Variants in DUSP5 observed in about 807,000 individuals in gnomAD.
DUSP5 encodes the protein dual specificity protein phosphatase 5.
Under a neutral mutation model 33.6 loss-of-function variants are expected in DUSP5, and 22 were observed. That is an observed-to-expected ratio of 0.66 (90% confidence interval 0.47 to 0.94). DUSP5 has a LOEUF of 0.94. DUSP5 is among the 40% of genes least tolerant of loss of function. The probability of loss-of-function intolerance (pLI) is 0.00; values close to 1 mark genes in which losing one functional copy is unlikely to be tolerated. For missense variants in DUSP5, 551 were observed against 522.1 expected (o/e 1.06, Z -0.54); for synonymous variants, 270 against 231.1 (o/e 1.17, Z -1.53).
chr10:110,500,171 T>C (rs758722872), intron 1 of DUSP5, among the ~76,000 whole-genome samples: 4 of 152,192 alleles, frequency 2.6e-5, no homozygotes, highest in Admixed American at 6.5e-5. Context: ...ATAGATTGAT[T>C]TTGTATAGTC....
intron 1 of DUSP5, among the ~76,000 whole-genome samples, chr10:110,500,266 C>T (rs781718602): frequency 6.6e-5 from 10 of 152,186 alleles, no homozygotes; most frequent in Non-Finnish European, 1.5e-4. Flanking sequence ...GAACCGGTCT[C>T]CTGTAATGAC....
At chr10:110,509,231 G>C (rs1480206909) in intron 3 of DUSP5, among the ~76,000 whole-genome samples, 16 of 152,208 alleles carry the variant, frequency 1.1e-4, no homozygotes, top group Admixed American at 9.8e-4. Context: ...CAGGAAGGGA[G>C]GCATCCTCCC....
chr10:110,510,261 A>G lies in DUSP5; in HGVS notation c.990A>G (p.Gln330=), dbSNP rs1386217916. The change falls in exon 4 of 4, where the codon CAA becomes CAG. Residue 330 remains glutamine (Q), a synonymous_variant. Coordinates refer to ENST00000369583, the MANE Select transcript of DUSP5 (RefSeq NM_004419.4). ...CCAACCCCCAGCCTCCCTCCTGCCA[A>G]GGGGAGGCAGCAGGCTCTTCACTGA... ...STPNPQPPSC[Q]GEAAGSSLIG... The G allele has an allele frequency of 1.2e-6, 2 of 1,613,964 alleles. No individual in the cohort carries two copies. Among genetic ancestry groups the G allele is most frequent in the Non-Finnish European group, 1.7e-6 (2 of 1,180,036 alleles).
At chr10:110,500,426 T>C (rs889895740) in intron 1 of DUSP5, among the ~76,000 whole-genome samples, 1 of 152,260 alleles carries the variant, frequency 6.6e-6, no homozygotes, top group Non-Finnish European at 1.5e-5. Flanking sequence ...AATTGCTTCA[T>C]GCCTACCCTT....
At chr10:110,507,478 G>A (rs928908243) in intron 3 of DUSP5, among the ~76,000 whole-genome samples, 4 of 152,178 alleles carry the variant, frequency 2.6e-5, no homozygotes, top group African/African-American at 9.7e-5. Context: ...GGAAAGCAGG[G>A]GGAAGAACCT....
Position 110,510,254 on chromosome 10 carries a change from C to G in DUSP5, c.983C>G (p.Ser328Cys). The G allele has an allele frequency of 1.2e-6, 2 of 1,614,102 alleles. No individual in the cohort carries two copies. Among genetic ancestry groups the G allele is most frequent in the Non-Finnish European group, 1.7e-6 (2 of 1,180,028 alleles). ...TCCACGCCCAACCCCCAGCCTCCCT[C>G]CTGCCAAGGGGAGGCAGCAGGCTCT... ...LPSTPNPQPP[S>C]CQGEAAGSSL... Residue 328 changes from serine (S) to cysteine (C), a missense_variant, in exon 4 of 4, where the codon TCC (serine) becomes TGC (cysteine). Physicochemically the swap from Ser to Cys is moderately radical, Grantham distance 112. Around this residue, in one of 3 missense-constraint regions of DUSP5, gnomAD observed 158 missense variants for 181.8 expected, o/e 0.87. Transcript: ENST00000369583.
chr10:110,498,308 C>T lies in DUSP5; in HGVS notation c.187C>T (p.Arg63Cys), dbSNP rs762208561. The change falls in exon 1 of 4, where the codon CGC becomes TGC. Residue 63 changes from arginine to cysteine, a missense_variant. Arg to Cys is a radical substitution (Grantham distance 180). This residue lies in a region of DUSP5 where 381 missense variants were observed against 310.4 expected (regional missense o/e 1.23). Transcript: ENST00000369583. ...RRARGGAVSA[R>C]YVLPDEAARA... ...GGCCCGGGGCGGCGCGGTGTCGGCGCGCTACGTGCTGCCCGACGAGGCGGC... is the reference window on the plus strand; with the variant it reads ...GGCCCGGGGCGGCGCGGTGTCGGCGTGCTACGTGCTGCCCGACGAGGCGGC... The T allele has an allele frequency of 4.2e-6, 6 of 1,428,140 alleles. No individual in the cohort carries two copies. Among genetic ancestry groups the T allele is most frequent in the East Asian group, 5.7e-5 (2 of 35,076 alleles). The allele number at this position is 1,428,140 out of a possible 1,614,324, so 88.5% of individuals were successfully genotyped here.
At chr10:110,509,617 T>C (rs1860161444) in intron 3 of DUSP5, among the ~76,000 whole-genome samples, 1 of 152,212 alleles carries the variant, frequency 6.6e-6, no homozygotes, top group Non-Finnish European at 1.5e-5. Flanking sequence ...CCAATAAAAA[T>C]GTGCACAATT....
At chr10:110,509,772 T>C (rs966272104) in intron 3 of DUSP5, among the ~76,000 whole-genome samples, 3 of 152,242 alleles carry the variant, frequency 2.0e-5, no homozygotes, top group Non-Finnish European at 2.9e-5. Flanking sequence ...TGTGTGCTTA[T>C]GTCTCTTGTG....
rs1236940987 is a variant in DUSP5 at position 110,510,594 on chromosome 10, A to G, written c.*168A>G. 7 of 988,566 alleles carry G rather than the reference A, an allele frequency of 7.1e-6. No homozygotes were observed. The highest frequency in any genetic ancestry group is 2.9e-4 in the Middle Eastern group (1 of 3,410). 61.2% of individuals were successfully genotyped at this position (988,566 alleles called of 1,614,324 possible). A position where few individuals can be genotyped will look rare whatever the true frequency, so the allele number is the denominator to read the frequency against. ...TGCAAATGAACTTCAGACGGACCTC[A>G]GGGTAGGTTCTCGGGACTGAAGGAA... On this transcript the variant is annotated 3_prime_UTR_variant, in exon 4 of 4. Coordinates refer to ENST00000369583, the MANE Select transcript of DUSP5 (RefSeq NM_004419.4).
In DUSP5 at chr10:110,510,575, T is replaced by C; in HGVS notation, c.*149T>C. The stretch of plus-strand genomic sequence containing the variant: ...AGTGAGTGGTCACCAGGCTTGCAAA[T>C]GAACTTCAGACGGACCTCAGGGTAG... On this transcript the variant is annotated 3_prime_UTR_variant, in exon 4 of 4. Transcript: ENST00000369583. 1 of 1,159,292 alleles carries C rather than the reference T, an allele frequency of 8.6e-7. No homozygotes were observed. Among genetic ancestry groups the C allele is most frequent in the African/African-American group, 1.6e-5 (1 of 64,206 alleles). The allele number at this position is 1,159,292 out of a possible 1,614,324, so 71.8% of individuals were successfully genotyped here.
intron 1 of DUSP5, among the ~76,000 whole-genome samples, chr10:110,501,963 A>AT (rs999258930): frequency 2.5e-4 from 32 of 129,366 alleles, no homozygotes; most frequent in Non-Finnish European, 4.3e-4. Context: ...TGACTTATTG[A>AT]TTGGGGGGGG....
intron 3 of DUSP5, among the ~76,000 whole-genome samples, chr10:110,508,424 G>A (rs1010551704): frequency 1.3e-5 from 2 of 152,148 alleles, no homozygotes; most frequent in Non-Finnish European, 1.5e-5. Context: ...CCCATCCTGT[G>A]TGTGTATTGT....
At chr10:110,508,572 C>G (rs1293551458) in intron 3 of DUSP5, among the ~76,000 whole-genome samples, 1 of 152,176 alleles carries the variant, frequency 6.6e-6, no homozygotes, top group East Asian at 1.9e-4. Flanking sequence ...CTGACCCCTT[C>G]CAAGGGAAGA....
At chr10:110,501,973 G>GC (rs1268531951) in intron 1 of DUSP5, among the ~76,000 whole-genome samples, 2 of 151,412 alleles carry the variant, frequency 1.3e-5, no homozygotes, top group Non-Finnish European at 2.9e-5. Flanking sequence ...ATTGGGGGGG[G>GC]GGTGCAGGAG....
chr10:110,509,360 G>A lies in DUSP5; in HGVS notation c.749-660G>A, dbSNP rs180964680. Among the ~76,000 whole-genome samples the A allele has an allele frequency of 6.8e-4, 104 of 152,310 alleles. 1 individual carries two copies. The highest frequency in any genetic ancestry group is 2.1e-3 in the African/African-American group (88 of 41,572). The stretch of plus-strand genomic sequence containing the variant: ...CATTTATATCCTCCGTCTAGTAGGC[G>A]TCACTTAGCCAGGGCTATAATTAGT... On this transcript the variant is annotated intron_variant, in intron 3 of 3. Transcript: ENST00000369583.
At chr10:110,506,178 C>A (rs1186779011) in intron 2 of DUSP5, among the ~76,000 whole-genome samples, 1 of 152,026 alleles carries the variant, frequency 6.6e-6, no homozygotes, top group African/African-American at 2.4e-5. Context: ...GCCTATAATC[C>A]CAGCACTTCA....
Position 110,498,079 on chromosome 10 carries a change from C to T in DUSP5, c.-43C>T. 8.7e-7 allele frequency: 1 copy of T among 1,155,554 alleles called. No homozygotes were observed. Among genetic ancestry groups the T allele is most frequent in the African/African-American group, 1.7e-5 (1 of 60,550 alleles). 71.6% of individuals were successfully genotyped at this position (1,155,554 alleles called of 1,614,324 possible). A position where few individuals can be genotyped will look rare whatever the true frequency, so the allele number is the denominator to read the frequency against. On this transcript the variant is annotated 5_prime_UTR_variant, in exon 1 of 4. Transcript: ENST00000369583. ...TGGACACCCTGGCCGTGGGCACCCG[C>T]GGGGCGCGCGGCGCGGGGCCGCTGG...
chr10:110,503,001 G>A, intron 2 of DUSP5, 132 bp downstream of exon 2: 1 of 1,235,390 alleles, frequency 8.1e-7, no homozygotes. Context: ...CAGGGTGTTG[G>A]CAAAATCCCC....
Sources: allele counts gnomAD v4.1 joint callset (sites outside exome capture counted in the v4.1 genomes callset), GRCh38; gene constraint gnomAD v4.1.1; regional missense constraint gnomAD v4.1.1; transcripts MANE v1.5; gene names NCBI Gene and HGNC (gene_info 2026-07-23, HGNC 2026-07-21).